PCDH15: variants seen among roughly 807,000 people sequenced by gnomAD.
PCDH15 encodes the protein protocadherin-15.
PCDH15 carries 129 observed loss-of-function variants against 178.5 expected under a neutral mutation model. That is an observed-to-expected ratio of 0.72 (90% CI 0.63 to 0.84). The LOEUF (loss-of-function observed/expected upper bound fraction) is 0.84, where lower values mean the gene tolerates loss of function less well. Among genes scored for constraint, PCDH15 ranks in the 40% least tolerant of loss-of-function variants. The pLI, the probability that PCDH15 is intolerant of heterozygous loss-of-function variation, is 0.00. For synonymous variants in PCDH15, 800 were observed against 732.0 expected (o/e 1.09, Z -1.50); for missense variants, 2,230 against 2,099.9 (o/e 1.06, Z -1.21).
chr10:54,817,091 C>T (rs1952960401), intron 3 of PCDH15, among the ~76,000 whole-genome samples: 1 of 151,934 alleles, frequency 6.6e-6, no homozygotes, highest in African/African-American at 2.4e-5. Context: ...TTGTGGTTTA[C>T]TCATTAAAAT....
intron 2 of PCDH15, among the ~76,000 whole-genome samples, chr10:55,403,930 A>G (rs1198553305): frequency 2.0e-5 from 3 of 152,018 alleles, no homozygotes; most frequent in African/African-American, 7.2e-5. Context: ...AATCACTTTT[A>G]TGTTGACAAC....
chr10:54,539,419 G>A (rs1205002344), intron 2 of PCDH15, among the ~76,000 whole-genome samples: 1 of 152,096 alleles, frequency 6.6e-6, no homozygotes, highest in Non-Finnish European at 1.5e-5. Flanking sequence ...TCAATTCAAA[G>A]ACAAGACTTA....
chr10:54,347,680 A>G (rs531347896), intron 5 of PCDH15, among the ~76,000 whole-genome samples: 1 of 151,964 alleles, frequency 6.6e-6, no homozygotes, highest in Admixed American at 6.6e-5. Context: ...AATAGATAGA[A>G]CATGCCCTCT....
chr10:55,529,444 G>C (rs12256531), intron 2 of PCDH15, among the ~76,000 whole-genome samples: 1,849 of 151,852 alleles, frequency 0.012, 36 homozygotes, highest in African/African-American at 0.041. Context: ...TTGAATTCCA[G>C]TTCTCAATAA....
chr10:54,910,028 G>A (rs1954792355), intron 2 of PCDH15, among the ~76,000 whole-genome samples: 4 of 152,138 alleles, frequency 2.6e-5, no homozygotes, highest in Admixed American at 2.6e-4. Context: ...GCAAAGTTGA[G>A]GCCATGGCAA....
chr10:55,070,628 A>G (rs1841711889), intron 2 of PCDH15, among the ~76,000 whole-genome samples: 1 of 152,032 alleles, frequency 6.6e-6, no homozygotes, highest in African/African-American at 2.4e-5. Context: ...GTTCTGTTCC[A>G]TTGATCTATA....
At chr10:53,894,658 T>C (rs935896609) in intron 26 of PCDH15, among the ~76,000 whole-genome samples, 1 of 152,212 alleles carries the variant, frequency 6.6e-6, no homozygotes, top group African/African-American at 2.4e-5. Flanking sequence ...CAGAACTAAG[T>C]AATCTACGCT....
At chr10:54,749,058 G>A (rs919759679) in intron 1 of PCDH15, among the ~76,000 whole-genome samples, 1 of 152,096 alleles carries the variant, frequency 6.6e-6, no homozygotes, top group Non-Finnish European at 1.5e-5. Flanking sequence ...AAAGTACCTT[G>A]ACTAAGATCA....
chr10:55,249,942 A>G (rs1308871336), intron 1 of PCDH15, among the ~76,000 whole-genome samples: 2 of 152,014 alleles, frequency 1.3e-5, no homozygotes, highest in Admixed American at 1.3e-4. Flanking sequence ...GAAACAAAAT[A>G]TTTTGGTCAT....
chr10:55,269,817 A>G (rs911261522), intron 1 of PCDH15, among the ~76,000 whole-genome samples: 2 of 152,152 alleles, frequency 1.3e-5, no homozygotes, highest in African/African-American at 2.4e-5. Context: ...GAGCCCAAAT[A>G]GACAAAGCAA....
At chr10:53,986,981 T>G (rs536433922) in intron 21 of PCDH15, among the ~76,000 whole-genome samples, 1 of 152,178 alleles carries the variant, frequency 6.6e-6, no homozygotes, top group Non-Finnish European at 1.5e-5. Flanking sequence ...CAGACATTCT[T>G]GCTCCTGAGC....
chr10:55,433,756 A>C (rs2132059900), intron 2 of PCDH15, among the ~76,000 whole-genome samples: 1 of 152,070 alleles, frequency 6.6e-6, no homozygotes, highest in South Asian at 2.1e-4. Flanking sequence ...TCTTGTAAAT[A>C]TTTATATTAT....
At chr10:54,706,718 G>A (rs573827139) in intron 1 of PCDH15, among the ~76,000 whole-genome samples, 4 of 152,238 alleles carry the variant, frequency 2.6e-5, no homozygotes, top group Non-Finnish European at 5.9e-5. Context: ...CCGCCTCCCA[G>A]GTTCAAACGA....
intron 1 of PCDH15, among the ~76,000 whole-genome samples, chr10:54,788,232 T>G (rs1395552469): frequency 6.6e-6 from 1 of 151,940 alleles, no homozygotes; most frequent in East Asian, 1.9e-4. Flanking sequence ...AAGCTTGTAA[T>G]ATGATATTAG....
chr10:53,910,189 G>C (rs2082978669), intron 25 of PCDH15, among the ~76,000 whole-genome samples: 1 of 152,200 alleles, frequency 6.6e-6, no homozygotes, highest in African/African-American at 2.4e-5. Flanking sequence ...TCTGAGAACA[G>C]ACAGACTGCC....
At chr10:54,073,825 G>C (rs972434643) in intron 17 of PCDH15, among the ~76,000 whole-genome samples, 2 of 152,104 alleles carry the variant, frequency 1.3e-5, no homozygotes, top group Admixed American at 1.3e-4. Context: ...ATCACTGTTC[G>C]CATATTTATT....
intron 2 of PCDH15, among the ~76,000 whole-genome samples, chr10:55,490,775 A>G (rs932914059): frequency 6.6e-6 from 1 of 151,804 alleles, no homozygotes; most frequent in African/African-American, 2.4e-5. Context: ...AGAAAGCATA[A>G]CACAATGGTT....
At chr10:54,249,255 T>C (rs988371941) in intron 8 of PCDH15, among the ~76,000 whole-genome samples, 1 of 152,104 alleles carries the variant, frequency 6.6e-6, no homozygotes, top group Non-Finnish European at 1.5e-5. Flanking sequence ...TCTTCATCAA[T>C]AAATATGCAT....
chr10:54,300,821 G>A (rs2060106327), intron 8 of PCDH15, among the ~76,000 whole-genome samples: 1 of 152,202 alleles, frequency 6.6e-6, no homozygotes, highest in Non-Finnish European at 1.5e-5. Context: ...TCAGCGCTCT[G>A]TAAAATGGAC....
Sources: gnomAD v4.1 joint callset for allele counts (sites outside exome capture counted in the v4.1 genomes callset) on GRCh38, gnomAD v4.1.1 for gene constraint, MANE v1.5 for transcripts, NCBI Gene and HGNC (gene_info 2026-07-23, HGNC 2026-07-21) for gene names.